Variants in SSBP3 observed in about 807,000 individuals in gnomAD.
SSBP3 encodes the protein single-stranded DNA-binding protein 3.
SSBP3 carries 5 observed loss-of-function variants against 69.6 expected under a neutral mutation model. That is an observed-to-expected ratio of 0.07 (90% confidence interval 0.04 to 0.15). The LOEUF (loss-of-function observed/expected upper bound fraction) is 0.15, where lower values mean the gene tolerates loss of function less well. SSBP3 is among the 10% of genes least tolerant of loss of function. SSBP3 has a pLI of 1.00. For missense variants in SSBP3, 312 were observed against 534.0 expected, an observed-to-expected ratio of 0.58 and a Z score of 4.10; for synonymous variants, 196 against 193.4, an observed-to-expected ratio of 1.01 and a Z score of -0.11.
intron 4 of SSBP3, among the ~76,000 whole-genome samples, chr1:54,294,159 A>AAAAAAAAAAAAG (rs754650225): frequency 1.2e-5 from 1 of 86,164 alleles, no homozygotes; most frequent in African/African-American, 4.1e-5. Context: ...AAAAAAAAAA[A>AAAAAAAAAAAAG]AAAGAAAGAA....
At chr1:54,273,134 C>T (rs1185030744) in intron 5 of SSBP3, among the ~76,000 whole-genome samples, 1 of 152,242 alleles carries the variant, frequency 6.6e-6, no homozygotes, top group Non-Finnish European at 1.5e-5. Flanking sequence ...CTGTTGGGTG[C>T]TTTGTTACCG....
At chr1:54,406,772 G>C (rs1328310799), upstream of SSBP3, among the ~76,000 whole-genome samples, 3 of 151,764 alleles carry the variant, frequency 2.0e-5, no homozygotes, top group East Asian at 5.9e-4. Context: ...TCCGATGGGA[G>C]GGGGCGCAGA....
intron 5 of SSBP3, among the ~76,000 whole-genome samples, chr1:54,269,886 G>A (rs1645164236): frequency 6.6e-6 from 1 of 152,216 alleles, no homozygotes; most frequent in African/African-American, 2.4e-5. Flanking sequence ...CCTGACAGAG[G>A]AGAATGAGCC....
At chr1:54,241,947 T>C (rs1202807642) in intron 11 of SSBP3, among the ~76,000 whole-genome samples, 1 of 151,968 alleles carries the variant, frequency 6.6e-6, no homozygotes, top group Non-Finnish European at 1.5e-5. Flanking sequence ...CTTAGAGGAG[T>C]GGGCTGGCTG....
At chr1:54,343,019 C>T (rs1457828691) in intron 4 of SSBP3, among the ~76,000 whole-genome samples, 1 of 152,120 alleles carries the variant, frequency 6.6e-6, no homozygotes, top group Non-Finnish European at 1.5e-5. Context: ...GAGAACCCGG[C>T]CGGTTTTCAG....
intron 4 of SSBP3, among the ~76,000 whole-genome samples, chr1:54,307,345 C>T (rs1334687064): frequency 1.3e-5 from 2 of 152,188 alleles, no homozygotes; most frequent in Admixed American, 1.3e-4. Flanking sequence ...CACTCCCAGG[C>T]ACCCCCTGAT....
At chr1:54,313,919 A>AT (rs1442256885) in intron 4 of SSBP3, among the ~76,000 whole-genome samples, 2 of 138,506 alleles carry the variant, frequency 1.4e-5, no homozygotes, top group African/African-American at 6.1e-5. Context: ...GGTGCCCACC[A>AT]CACCTGGCTA....
At chr1:54,250,496 G>T (rs1245695026) in intron 9 of SSBP3, among the ~76,000 whole-genome samples, 12 of 151,996 alleles carry the variant, frequency 7.9e-5, no homozygotes, top group African/African-American at 2.9e-4. Context: ...TGGTTCTGTG[G>T]GGCAGACGCC....
At chr1:54,405,930 G>T in intron 1 of SSBP3, 23 bp downstream of exon 1, 1 of 1,209,278 alleles carries the variant, frequency 8.3e-7, no homozygotes. Context: ...CGGCGCGGCC[G>T]CCACTTGCAA....
intron 4 of SSBP3, among the ~76,000 whole-genome samples, chr1:54,310,937 G>A (rs1234515649): frequency 6.6e-6 from 1 of 152,208 alleles, no homozygotes; most frequent in Admixed American, 6.5e-5. Flanking sequence ...GGGTCTCCGT[G>A]TGGGGGCTGA....
At chr1:54,292,210 A>G (rs965882739) in intron 4 of SSBP3, among the ~76,000 whole-genome samples, 5 of 152,226 alleles carry the variant, frequency 3.3e-5, no homozygotes, top group African/African-American at 1.2e-4. Flanking sequence ...GCATGCCAGG[A>G]AATGGCAGTC....
intron 4 of SSBP3, among the ~76,000 whole-genome samples, chr1:54,300,787 CA>C (rs930340493): frequency 6.6e-6 from 1 of 152,194 alleles, no homozygotes; most frequent in African/African-American, 2.4e-5. Context: ...GATGGGCTCT[CA>C]GTGGATACTG....
At chr1:54,352,084 C>G (rs1444366056) in intron 4 of SSBP3, among the ~76,000 whole-genome samples, 1 of 152,120 alleles carries the variant, frequency 6.6e-6, no homozygotes, top group East Asian at 1.9e-4. Context: ...TCCCTTGAAG[C>G]CAGGAGTTTA....
exon 18 of SSBP3, chr1:54,226,171 A>G: frequency 6.5e-6 from 1 of 152,854 alleles, no homozygotes; most frequent in East Asian, 1.9e-4. Flanking sequence ...CTCACTGGGA[A>G]GACTGGGGTG....
intron 4 of SSBP3, among the ~76,000 whole-genome samples, chr1:54,377,177 G>A (rs796186089): frequency 1.3e-5 from 2 of 152,240 alleles, no homozygotes; most frequent in Middle Eastern, 6.8e-3. Flanking sequence ...AGGCCTCATC[G>A]CCATTACTGA....
rs752110846 is a variant in SSBP3, at chr1:54,227,184, G to T, written c.1138-24C>A. 16 of 1,201,892 alleles carry T rather than the reference G, an allele frequency of 1.3e-5. 3 individuals are homozygous for T. The highest frequency in any genetic ancestry group is 8.1e-5 in the African/African-American group (5 of 62,042). The allele number at this position is 1,201,892 out of a possible 1,614,324, so 74.5% of individuals were successfully genotyped here. On this transcript the variant is annotated intron_variant, in intron 17 of 17. Transcript: ENST00000610401. ...TACTGGAAAGGAGAAGCAGAGAAGGGGGGGGGGTGAGGATTGTGGGGAGGC... is the reference window on the plus strand; with the variant it reads ...TACTGGAAAGGAGAAGCAGAGAAGGTGGGGGGGTGAGGATTGTGGGGAGGC...
upstream of SSBP3, among the ~76,000 whole-genome samples, chr1:54,407,340 G>A (rs987837046): frequency 4.6e-5 from 7 of 152,128 alleles, no homozygotes; most frequent in Admixed American, 1.3e-4. Flanking sequence ...ACAGAAATCT[G>A]CAAACTTCAA....
At chr1:54,378,692 T>G (rs574931586) in intron 4 of SSBP3, among the ~76,000 whole-genome samples, 1 of 152,176 alleles carries the variant, frequency 6.6e-6, no homozygotes, top group African/African-American at 2.4e-5. Flanking sequence ...TAGCTCCTTC[T>G]GTTGTTTCGA....
chr1:54,396,193 G>GAAAAACAAAAAAAAAAAAAAA (rs1648856407), intron 4 of SSBP3, among the ~76,000 whole-genome samples: 1 of 40,564 alleles, frequency 2.5e-5, no homozygotes, highest in African/African-American at 9.6e-5. Context: ...CTCCATCTCA[G>GAAAAACAAAAAAAAAAAAAAA]AAAAAAAAAA....
Sources: gnomAD v4.1 joint callset for allele counts (sites outside exome capture counted in the v4.1 genomes callset) on GRCh38, gnomAD v4.1.1 for gene constraint, MANE v1.5 for transcripts, NCBI Gene and HGNC (gene_info 2026-07-23, HGNC 2026-07-21) for gene names.